GFRA1: variants seen among roughly 807,000 people sequenced by gnomAD.
GFRA1 encodes GDNF family receptor alpha 1.
In GFRA1, 16 loss-of-function variants were observed where a neutral mutation model predicts 51.6. That is an observed-to-expected ratio of 0.31 (90% confidence interval 0.21 to 0.47). The LOEUF (loss-of-function observed/expected upper bound fraction) is 0.47. Among genes scored for constraint, GFRA1 ranks in the 20% least tolerant of loss-of-function variants. The probability of loss-of-function intolerance (pLI) is 1.00; values close to 1 mark genes in which losing one functional copy is unlikely to be tolerated. For synonymous variants in GFRA1, 270 were observed against 241.3 expected, an observed-to-expected ratio of 1.12 and a Z score of -1.10; for missense variants, 530 against 594.3, an observed-to-expected ratio of 0.89 and a Z score of 1.13.
chr10:116,143,368 T>G (rs1210353092), intron 5 of GFRA1, among the ~76,000 whole-genome samples: 1 of 150,550 alleles, frequency 6.6e-6, no homozygotes, highest in African/African-American at 2.4e-5. Context: ...GCTTGAAGAC[T>G]CTACTACAGA....
At chr10:116,080,926 G>A (rs1218983240) in intron 9 of GFRA1, among the ~76,000 whole-genome samples, 1 of 152,088 alleles carries the variant, frequency 6.6e-6, no homozygotes, top group East Asian at 1.9e-4. Context: ...GAGCTTCCTG[G>A]GCAGCAAATA....
intron 5 of GFRA1, among the ~76,000 whole-genome samples, chr10:116,201,291 CTATTCACTTG>C (rs1445919707): frequency 6.6e-6 from 1 of 152,092 alleles, no homozygotes; most frequent in Non-Finnish European, 1.5e-5. Flanking sequence ...ATAGCCAATA[CTATTCACTTG>C]GTAGACAAAA....
chr10:116,199,203 T>G (rs1199592078), intron 5 of GFRA1, among the ~76,000 whole-genome samples: 1 of 152,204 alleles, frequency 6.6e-6, no homozygotes, highest in African/African-American at 2.4e-5. Flanking sequence ...TAATCCTTTA[T>G]TATAGCATCC....
At chr10:116,267,170 A>C (rs890777552) in intron 4 of GFRA1, among the ~76,000 whole-genome samples, 1 of 152,068 alleles carries the variant, frequency 6.6e-6, no homozygotes, top group African/African-American at 2.4e-5. Context: ...AAAAATAATA[A>C]AAACTCCATT....
At chr10:116,092,100 C>CATACGT (rs1235548090) in intron 8 of GFRA1, among the ~76,000 whole-genome samples, 4 of 88,002 alleles carry the variant, frequency 4.5e-5, no homozygotes, top group Non-Finnish European at 8.7e-5. Context: ...CATACGTACA[C>CATACGT]ACACACACAC....
intron 4 of GFRA1, among the ~76,000 whole-genome samples, chr10:116,258,589 A>G (rs78337457): frequency 9.9e-5 from 15 of 152,070 alleles, no homozygotes; most frequent in Non-Finnish European, 1.9e-4. Context: ...CTTTCATGGG[A>G]TATTTTCATG....
chr10:116,120,851 G>A (rs769560612), intron 6 of GFRA1, among the ~76,000 whole-genome samples: 3 of 152,200 alleles, frequency 2.0e-5, no homozygotes, highest in Non-Finnish European at 2.9e-5. Flanking sequence ...AGAAGGGCAA[G>A]GCCACTAAAC....
chr10:116,218,431 AG>A (rs1236959671), intron 4 of GFRA1, among the ~76,000 whole-genome samples: 4 of 152,316 alleles, frequency 2.6e-5, no homozygotes, highest in African/African-American at 9.6e-5. Flanking sequence ...CTGAGAAAAG[AG>A]TTCCATTGCT....
At chr10:116,244,288 C>T (rs1005786327) in intron 4 of GFRA1, among the ~76,000 whole-genome samples, 3 of 148,406 alleles carry the variant, frequency 2.0e-5, no homozygotes, top group Non-Finnish European at 4.5e-5. Context: ...AAACTTATCT[C>T]ATCAAAAAGA....
intron 6 of GFRA1, among the ~76,000 whole-genome samples, chr10:116,103,210 T>G (rs2133937253): frequency 6.6e-6 from 1 of 152,360 alleles, no homozygotes; most frequent in South Asian, 2.1e-4. Context: ...AAATGTCTGC[T>G]GTGAGACTTA....
At chr10:116,109,217 T>C (rs1390078020) in intron 6 of GFRA1, among the ~76,000 whole-genome samples, 1 of 152,130 alleles carries the variant, frequency 6.6e-6, no homozygotes, top group Non-Finnish European at 1.5e-5. Flanking sequence ...AGCCAGGTTT[T>C]GGAAAGAAGC....
At chr10:116,159,003 G>T (rs1959458978) in intron 5 of GFRA1, among the ~76,000 whole-genome samples, 1 of 152,220 alleles carries the variant, frequency 6.6e-6, no homozygotes, top group Non-Finnish European at 1.5e-5. Context: ...TGCATTTGAA[G>T]GAAACGGTGC....
chr10:116,207,638 T>A (rs1451887179), intron 5 of GFRA1, among the ~76,000 whole-genome samples: 1 of 152,238 alleles, frequency 6.6e-6, no homozygotes, highest in Non-Finnish European at 1.5e-5. Flanking sequence ...CATATGCATG[T>A]AATACATATG....
At chr10:116,165,658 C>CTCAT (rs1490074600) in intron 5 of GFRA1, among the ~76,000 whole-genome samples, 2 of 73,550 alleles carry the variant, frequency 2.7e-5, no homozygotes, top group Non-Finnish European at 5.9e-5. Context: ...TGCTCTTTCT[C>CTCAT]TCACTCTCAC....
rs574392516 is a variant in GFRA1 at position 116,185,843 on chromosome 10, C to T, written c.433+25788G>A. Reference sequence around the variant, plus strand: ...AAAGCCTAAGTGCCATTATTATTGTCGCTGTTTTAATTATAATTGTGCTGC... The same window carrying T: ...AAAGCCTAAGTGCCATTATTATTGTTGCTGTTTTAATTATAATTGTGCTGC... On this transcript the variant is annotated intron_variant, in intron 5 of 10. Transcript: ENST00000355422. 3.9e-5 allele frequency among the ~76,000 whole-genome samples: 6 copies of T among 152,132 alleles called. No homozygotes were observed. In the South Asian group the frequency reaches 8.3e-4, roughly 21 times the overall value.
chr10:116,070,774 T>G (rs1354614612), intron 9 of GFRA1, among the ~76,000 whole-genome samples: 2 of 150,882 alleles, frequency 1.3e-5, no homozygotes, highest in East Asian at 3.9e-4. Flanking sequence ...TTTTTTTTTT[T>G]TTTTTTTGGC....
intron 6 of GFRA1, among the ~76,000 whole-genome samples, chr10:116,110,648 A>G (rs1330257203): frequency 3.9e-5 from 6 of 152,202 alleles, no homozygotes; most frequent in Non-Finnish European, 8.8e-5. Context: ...GAGACTGTTC[A>G]TCTTCAGCTT....
intron 9 of GFRA1, among the ~76,000 whole-genome samples, chr10:116,084,761 AACAC>A (rs5788130): frequency 0.26 from 35,736 of 138,944 alleles, 4,915 homozygotes; most frequent in Non-Finnish European, 0.33. Flanking sequence ...TTAAATAAGT[AACAC>A]ACACACACAC....
intron 9 of GFRA1, among the ~76,000 whole-genome samples, chr10:116,074,582 T>C (rs896779640): frequency 6.6e-6 from 1 of 152,134 alleles, no homozygotes; most frequent in Non-Finnish European, 1.5e-5. Flanking sequence ...TCCTCCAAGA[T>C]GCCAGTGGTG....
Sources: allele counts gnomAD v4.1 joint callset (sites outside exome capture counted in the v4.1 genomes callset), GRCh38; gene constraint gnomAD v4.1.1; transcripts MANE v1.5; gene names NCBI Gene and HGNC (gene_info 2026-07-23, HGNC 2026-07-21).